The following FAM20A variants were observed in gnomAD, a reference collection of about 807,000 sequenced individuals.
FAM20A encodes the protein FAM20A golgi associated secretory pathway pseudokinase.
Under a neutral mutation model 52.0 loss-of-function variants are expected in FAM20A, and 42 were observed. The ratio of observed to expected loss-of-function variants is 0.81; its 90% CI spans 0.63 to 1.04. The LOEUF (loss-of-function observed/expected upper bound fraction) is 1.04. Ranked by LOEUF, FAM20A falls within the 50% of genes least tolerant of loss-of-function variation. The pLI, the probability that FAM20A is intolerant of heterozygous loss-of-function variation, is 0.00. For missense variants in FAM20A, 742 were observed against 712.7 expected, an observed-to-expected ratio of 1.04 and a Z score of -0.47; for synonymous variants, 304 against 298.9, an observed-to-expected ratio of 1.02 and a Z score of -0.18.
At chr17:68,576,672 C>T (rs948622952) in intron 1 of FAM20A, among the ~76,000 whole-genome samples, 2 of 152,196 alleles carry the variant, frequency 1.3e-5, no homozygotes, top group African/African-American at 4.8e-5. Context: ...ACGTTAGTTA[C>T]ATGTAGTTGG....
intron 1 of FAM20A, chr17:68,582,530 C>T (rs529946837): frequency 2.6e-5 from 4 of 152,242 alleles, no homozygotes; most frequent in Admixed American, 2.6e-4. Context: ...GGCTGCATAT[C>T]GATAAGTATC....
chr17:68,600,209 G>T lies in FAM20A; in HGVS notation c.404+54C>A. ...GTCAGGAAACTCGAGACTGGGGCGC[G>T]GGGAGGCCCCGGCCAGAGCGCCCGC... is the stretch of plus-strand genomic sequence containing the variant. On this transcript the variant is annotated intron_variant, in intron 1 of 10. Transcript: ENST00000592554. This position sits in a 1 kb window ranked among gnomAD's most constrained non-coding sequence, Gnocchi z 6.2. 1 of 1,537,244 alleles carries T rather than the reference G, an allele frequency of 6.5e-7. No individual in the cohort carries two copies. The highest frequency in any genetic ancestry group is 8.8e-7 in the Non-Finnish European group (1 of 1,141,510).
At chr17:68,578,544 G>C (rs2087838722) in intron 1 of FAM20A, among the ~76,000 whole-genome samples, 1 of 152,114 alleles carries the variant, frequency 6.6e-6, no homozygotes, top group Non-Finnish European at 1.5e-5. Flanking sequence ...AGATATTAAT[G>C]TGTTTTTTGT....
rs754664137 is a variant in FAM20A at position 68,535,903 on chromosome 17, A to G, written c.*1574T>C. 5 of 454,092 alleles carry G rather than the reference A, an allele frequency of 1.1e-5. No individual in the cohort carries two copies. Among genetic ancestry groups the G allele is most frequent in the South Asian group, 6.2e-5 (4 of 64,480 alleles). The allele number at this position is 454,092 out of a possible 1,614,324, so 28.1% of individuals were successfully genotyped here. On this transcript the variant is annotated 3_prime_UTR_variant, in exon 11 of 11. Transcript: ENST00000592554. Reference sequence around the variant, plus strand: ...GAAAAGAAGACTTTGGAATAGGTCTAAACCACTAAATTGTGTGATTTTGCT... The same window carrying G: ...GAAAAGAAGACTTTGGAATAGGTCTGAACCACTAAATTGTGTGATTTTGCT...
rs199793086 is a variant in FAM20A at position 68,548,641 on chromosome 17, G to A, written c.719+3232C>T. On this transcript the variant is annotated intron_variant, in intron 4 of 10. Coordinates refer to ENST00000592554, the MANE Select transcript of FAM20A (RefSeq NM_017565.4). ...CGATAGACTTGCTTGATGCAGGGTT[G>A]CCACAAGCCTTCACTTTGTAAAAAA... Among the ~76,000 whole-genome samples the A allele has an allele frequency of 9.2e-5, 14 of 151,482 alleles. No individual in the cohort carries two copies. The East Asian group carries it at 2.7e-3, about 29-fold the overall frequency.
chr17:68,585,969 T>G (rs1047948848), intron 1 of FAM20A, among the ~76,000 whole-genome samples: 3 of 152,198 alleles, frequency 2.0e-5, no homozygotes, highest in African/African-American at 7.2e-5. Context: ...TACCAGGAAT[T>G]ACCAGTGAAT....
intron 1 of FAM20A, among the ~76,000 whole-genome samples, chr17:68,590,621 CAT>C (rs1344830955): frequency 6.6e-6 from 1 of 152,220 alleles, no homozygotes; most frequent in Non-Finnish European, 1.5e-5. Flanking sequence ...AAAGTCTGCA[CAT>C]GTGAATTTAT....
At chr17:68,584,128 C>T (rs1349481882) in intron 1 of FAM20A, among the ~76,000 whole-genome samples, 1 of 151,752 alleles carries the variant, frequency 6.6e-6, no homozygotes, top group African/African-American at 2.4e-5. Context: ...ACTAGCGTGA[C>T]CAACACGGTG....
At chr17:68,595,300 T>C (rs2088423554) in intron 1 of FAM20A, among the ~76,000 whole-genome samples, 1 of 152,234 alleles carries the variant, frequency 6.6e-6, no homozygotes, top group Non-Finnish European at 1.5e-5. Context: ...TGAATGACAC[T>C]GATGCTCTCC....
At chr17:68,599,681 G>C (rs1267574955) in intron 1 of FAM20A, among the ~76,000 whole-genome samples, 1 of 152,182 alleles carries the variant, frequency 6.6e-6, no homozygotes, top group African/African-American at 2.4e-5. Context: ...GCAGAGAACT[G>C]ACCATTTACT....
In FAM20A at chr17:68,574,648, G is replaced by T. The variant is rs187207982; in HGVS notation, c.405-18905C>A. 3.3e-5 allele frequency among the ~76,000 whole-genome samples: 5 copies of T among 152,294 alleles called. No homozygotes were observed. The South Asian group carries it at 1.0e-3, about 32-fold the overall frequency. Reference sequence around the variant, plus strand: ...TACTGGTAACTTTATCCTTTACAAAGGGGAAGGAATACTGTGAAGAATTAT... The same window carrying T: ...TACTGGTAACTTTATCCTTTACAAATGGGAAGGAATACTGTGAAGAATTAT... On this transcript the variant is annotated intron_variant, in intron 1 of 10. Transcript: ENST00000592554.
chr17:68,590,864 G>A (rs543068772), intron 1 of FAM20A, among the ~76,000 whole-genome samples: 1 of 152,250 alleles, frequency 6.6e-6, no homozygotes, highest in East Asian at 1.9e-4. Context: ...TTGGTTGGAC[G>A]GTGGGAATCA....
intron 1 of FAM20A, among the ~76,000 whole-genome samples, chr17:68,568,469 A>AAAATAAATAAAT (rs372359079): frequency 3.3e-5 from 5 of 151,122 alleles, no homozygotes; most frequent in Middle Eastern, 3.4e-3. Flanking sequence ...CTCCATCTCT[A>AAAATAAATAAAT]AAATAAATAA....
intron 4 of FAM20A, among the ~76,000 whole-genome samples, chr17:68,544,104 A>T (rs893447872): frequency 6.6e-6 from 1 of 152,200 alleles, no homozygotes; most frequent in Non-Finnish European, 1.5e-5. Context: ...GCAGATCCAG[A>T]TGTCCAAGGA....
intron 1 of FAM20A, among the ~76,000 whole-genome samples, chr17:68,584,214 G>A (rs1455671946): frequency 6.6e-6 from 1 of 152,186 alleles, no homozygotes; most frequent in African/African-American, 2.4e-5. Flanking sequence ...CTACTTGGGA[G>A]GCTGAGGCAG....
intron 1 of FAM20A, among the ~76,000 whole-genome samples, chr17:68,564,755 C>T (rs2087326147): frequency 6.6e-6 from 1 of 152,116 alleles, no homozygotes; most frequent in Non-Finnish European, 1.5e-5. Flanking sequence ...GCTTCGGTGG[C>T]CTAAACGGGA....
chr17:68,548,721 GTA>G (rs894002876), intron 4 of FAM20A, among the ~76,000 whole-genome samples: 2,346 of 132,798 alleles, frequency 0.018, 103 homozygotes, highest in South Asian at 0.023. Context: ...AGCTATGCCT[GTA>G]TATTTTTTTT....
At chr17:68,594,291 C>T (rs1361118573) in intron 1 of FAM20A, among the ~76,000 whole-genome samples, 3 of 151,448 alleles carry the variant, frequency 2.0e-5, no homozygotes, top group Non-Finnish European at 4.4e-5. Context: ...CCCAGCTACT[C>T]GGGAGGCTGA....
At chr17:68,550,792 G>C (rs1374011210) in intron 4 of FAM20A, among the ~76,000 whole-genome samples, 1 of 152,220 alleles carries the variant, frequency 6.6e-6, no homozygotes, top group African/African-American at 2.4e-5. Context: ...TCAGGCATAA[G>C]GATTTTTAAA....
Sources: gnomAD v4.1 joint callset for allele counts (sites outside exome capture counted in the v4.1 genomes callset) on GRCh38, gnomAD v4.1.1 for gene constraint, Gnocchi (gnomAD v3.1) non-coding constraint, MANE v1.5 for transcripts, NCBI Gene and HGNC (gene_info 2026-07-23, HGNC 2026-07-21) for gene names.